Variants in ZFP36L1 observed in about 807,000 individuals in gnomAD.
ZFP36L1 encodes the protein ZFP36 like 1 zinc finger CCCH-type.
A neutral mutation model predicts 16.7 loss-of-function variants in ZFP36L1; 4 were observed. The observed-to-expected ratio is 0.24, with a 90% CI of 0.12 to 0.55. ZFP36L1 has a LOEUF of 0.55. Ranked by LOEUF, ZFP36L1 falls within the 20% of genes least tolerant of loss-of-function variation. The pLI is 0.94. For missense variants in ZFP36L1, 311 were observed against 449.2 expected (o/e 0.69, Z 2.78); for synonymous variants, 220 against 190.8 (o/e 1.15, Z -1.26).
chr14:68,789,318 CAGA>C lies in ZFP36L1; in HGVS notation c.*212_*214del. ...AAAATCCAGGGAGGGGGTTTCAAGC[CAGA>C]AGAAGCTACTGACAAATTGACTTGT... On this transcript the variant is annotated 3_prime_UTR_variant, in exon 2 of 2. Coordinates refer to ENST00000439696, the MANE Select transcript of ZFP36L1 (RefSeq NM_004926.4). The surrounding 1 kb of genome is among the most constrained non-coding windows in gnomAD (Gnocchi z 4.5). 1 of 625,016 alleles carries C rather than the reference CAGA, an allele frequency of 1.6e-6. No homozygotes were observed. Among genetic ancestry groups the C allele is most frequent in the African/African-American group, 1.8e-5 (1 of 54,346 alleles). 38.7% of individuals were successfully genotyped at this position (625,016 alleles called of 1,614,324 possible).
chr14:68,793,822 C>A (rs1430458454), upstream of ZFP36L1: 2 of 984,746 alleles, frequency 2.0e-6, no homozygotes, highest in Non-Finnish European at 2.4e-6. Context: ...AAACTTTTTC[C>A]CCAGGAGGAC....
chr14:68,792,405 T>C (rs1895108174), intron 1 of ZFP36L1, among the ~76,000 whole-genome samples: 2 of 151,612 alleles, frequency 1.3e-5, no homozygotes, highest in African/African-American at 2.4e-5. Context: ...TATCCCCAGC[T>C]CCCCCCAAAG....
chr14:68,793,418 G>C (rs1895164466), upstream of ZFP36L1: 2 of 998,922 alleles, frequency 2.0e-6, no homozygotes, highest in Non-Finnish European at 1.2e-6. Context: ...GCGCAGAGCG[G>C]GAGGGGCGCG....
At position 68,789,440 on chromosome 14, in the gene ZFP36L1, C is replaced by CT; in HGVS notation, c.*92dup. The CT allele has an allele frequency of 6.4e-7, 1 of 1,570,484 alleles. No individual in the cohort carries two copies. On this transcript the variant is annotated 3_prime_UTR_variant, in exon 2 of 2. Coordinates refer to ENST00000439696, the MANE Select transcript of ZFP36L1 (RefSeq NM_004926.4). The surrounding 1 kb of genome is among the most constrained non-coding windows in gnomAD (Gnocchi z 4.5). ...GAGCTTAACCTTGTTAATGTAGGGC[C>CT]TGTGGGGAATGGGATGGGTAGGGAG...
In ZFP36L1 at chr14:68,789,901, T is replaced by C. The variant is rs567307143; in HGVS notation, c.649A>G (p.Thr217Ala). Residue 217 changes from threonine (T) to alanine (A), a missense_variant, in exon 2 of 2, where the codon ACC becomes GCC. Transcript: ENST00000439696. This position sits in a 1 kb window ranked among gnomAD's most constrained non-coding sequence, Gnocchi z 4.5. ...GACGTGGGGCTGTCCAGCAGCCCGG[T>C]GGCAGCGGCGGTGGCAGCGGCACTG... ...FPSAAATAAA[T>A]GLLDSPTSIT... 1.9e-6 allele frequency: 3 copies of C among 1,609,268 alleles called. No homozygotes were observed. Among genetic ancestry groups the C allele is most frequent in the Non-Finnish European group, 2.5e-6 (3 of 1,179,414 alleles).
rs985739025 is a variant in ZFP36L1, at chr14:68,790,894, A to T, written c.58-402T>A. The T allele has an allele frequency of 3.1e-5, 17 of 556,978 alleles. No individual in the cohort carries two copies. In the African/African-American group the frequency reaches 3.3e-4, roughly 11 times the overall value. The allele number at this position is 556,978 out of a possible 1,614,324, so 34.5% of individuals were successfully genotyped here. ...CCCCGCCACCGCCCGCGACAAAAAC[A>T]GGTAAACCTCAGAAAGGAGTCTATC... On this transcript the variant is annotated intron_variant, in intron 1 of 1. Transcript: ENST00000439696.
chr14:68,792,417 G>A (rs543888616), intron 1 of ZFP36L1, among the ~76,000 whole-genome samples: 2 of 152,252 alleles, frequency 1.3e-5, no homozygotes, highest in African/African-American at 2.4e-5. Flanking sequence ...CCCCCAAAGA[G>A]TGGAGGAAAA....
chr14:68,795,928 G>T (rs1566562435), upstream of ZFP36L1: 1 of 1,142,354 alleles, frequency 8.8e-7, no homozygotes, highest in Non-Finnish European at 1.2e-6. Context: ...AGACGTGGTC[G>T]ACAGGTGCCC....
At position 68,789,300 on chromosome 14, in the gene ZFP36L1, A is replaced by T; in HGVS notation, c.*233T>A. The stretch of plus-strand genomic sequence containing the variant: ...GCATGGTAAGTGGGCTATAAAATCC[A>T]GGGAGGGGGTTTCAAGCCAGAAGAA... On this transcript the variant is annotated 3_prime_UTR_variant, in exon 2 of 2. Transcript: ENST00000439696. This position sits in a 1 kb window ranked among gnomAD's most constrained non-coding sequence, Gnocchi z 4.5. The T allele has an allele frequency of 1.8e-6, 1 of 563,068 alleles. No homozygotes were observed. The highest frequency in any genetic ancestry group is 3.0e-6 in the Non-Finnish European group (1 of 328,400). The allele number at this position is 563,068 out of a possible 1,614,324, so 34.9% of individuals were successfully genotyped here.
chr14:68,792,598 A>T (rs1895121799), intron 1 of ZFP36L1, among the ~76,000 whole-genome samples: 1 of 152,084 alleles, frequency 6.6e-6, no homozygotes, highest in East Asian at 1.9e-4. Context: ...TCCCAATCCC[A>T]GCCCTCCCCC....
chr14:68,790,582 GCT>G, intron 1 of ZFP36L1, 90 bp from the exon 2 acceptor site: 3 of 1,522,062 alleles, frequency 2.0e-6, no homozygotes, highest in Non-Finnish European at 2.7e-6. Context: ...ACAAACGCCC[GCT>G]CTTTCTCAAA....
intron 1 of ZFP36L1, among the ~76,000 whole-genome samples, 185 bp downstream of exon 1, chr14:68,792,697 G>T (rs1391620698): frequency 6.6e-6 from 1 of 152,128 alleles, no homozygotes; most frequent in Non-Finnish European, 1.5e-5. Context: ...AGCAACTGTT[G>T]AAACTCAAAG....
rs1894962018 is a variant in ZFP36L1 at position 68,788,126 on chromosome 14, AT to A, written c.*1406del. 1 of 152,114 alleles carries A rather than the reference AT, an allele frequency of 6.6e-6. No homozygotes were observed. Among genetic ancestry groups the A allele is most frequent in the Non-Finnish European group, 1.5e-5 (1 of 68,018 alleles). 9.4% of individuals were successfully genotyped at this position (152,114 alleles called of 1,614,324 possible). On this transcript the variant is annotated 3_prime_UTR_variant, in exon 2 of 2. Coordinates refer to ENST00000439696, the MANE Select transcript of ZFP36L1 (RefSeq NM_004926.4). ...CAGTTTTTTGCATTTTTTTAAATTA[AT>A]TTTTCATTTTTTTAAAATAAAATAA...
At chr14:68,795,076 T>A (rs1895211987), upstream of ZFP36L1, among the ~76,000 whole-genome samples, 1 of 152,160 alleles carries the variant, frequency 6.6e-6, no homozygotes, top group African/African-American at 2.4e-5. Flanking sequence ...CCACCTTAAT[T>A]TAAATCATTC....
upstream of ZFP36L1, chr14:68,793,830 G>A (rs1895178024): frequency 1.0e-6 from 1 of 983,930 alleles, no homozygotes. Context: ...TCCCCAGGAG[G>A]ACATGGTCTG....
chr14:68,795,709 C>T, upstream of ZFP36L1: 6 of 498,226 alleles, frequency 1.2e-5, no homozygotes, highest in South Asian at 9.1e-5. Context: ...GAGTTGTTTA[C>T]CGGCCCCGCC....
chr14:68,792,329 C>T (rs1895103377), intron 1 of ZFP36L1, among the ~76,000 whole-genome samples: 3 of 152,208 alleles, frequency 2.0e-5, no homozygotes, highest in Admixed American at 6.5e-5. Context: ...AGGGCGGACT[C>T]AAGCCCCACT....
chr14:68,790,773 TACC>T (rs1895047058), intron 1 of ZFP36L1, among the ~76,000 whole-genome samples: 1 of 152,184 alleles, frequency 6.6e-6, no homozygotes, highest in Non-Finnish European at 1.5e-5. Context: ...TCCCCAAAGC[TACC>T]ACTTTAAAGT....
chr14:68,792,305 A>G (rs1895101779), intron 1 of ZFP36L1, among the ~76,000 whole-genome samples: 4 of 152,266 alleles, frequency 2.6e-5, no homozygotes, highest in African/African-American at 7.2e-5. Flanking sequence ...CGCGGGAAGA[A>G]GCCCAACGGA....
Sources: gnomAD v4.1 joint callset for allele counts (sites outside exome capture counted in the v4.1 genomes callset) on GRCh38, gnomAD v4.1.1 for gene constraint, Gnocchi (gnomAD v3.1) non-coding constraint, MANE v1.5 for transcripts, NCBI Gene and HGNC (gene_info 2026-07-23, HGNC 2026-07-21) for gene names.